ZSWIM6: variants seen among roughly 807,000 people sequenced by gnomAD.
The protein encoded by ZSWIM6 is zinc finger SWIM domain-containing protein 6.
A neutral mutation model predicts 113.2 loss-of-function variants in ZSWIM6; 9 were observed. The ratio of observed to expected loss-of-function variants is 0.08; its 90% CI spans 0.05 to 0.14. The LOEUF (loss-of-function observed/expected upper bound fraction) is 0.14, where lower values mean the gene tolerates loss of function less well. ZSWIM6 is among the 10% of genes least tolerant of loss of function. The pLI, the probability that ZSWIM6 is intolerant of heterozygous loss-of-function variation, is 1.00. For missense variants in ZSWIM6, 1,162 were observed against 1,552.2 expected, an observed-to-expected ratio of 0.75 and a Z score of 4.22; for synonymous variants, 611 against 606.5, an observed-to-expected ratio of 1.01 and a Z score of -0.11.
intron 4 of ZSWIM6, among the ~76,000 whole-genome samples, chr5:61,517,994 TGTTCTC>T (rs1415103422): frequency 7.3e-6 from 1 of 136,804 alleles, no homozygotes; most frequent in African/African-American, 2.8e-5. Flanking sequence ...TGTGTCCATG[TGTTCTC>T]ATTGTTCAAT....
chr5:61,527,713 A>G lies in ZSWIM6; in HGVS notation c.1837+1317A>G, dbSNP rs1449465068. ...TAGTATAAAGGATAATATTCAAACA[A>G]AGAGTGCAGGACTTGTTATACTGTG... is the stretch of plus-strand genomic sequence containing the variant. On this transcript the variant is annotated intron_variant, in intron 7 of 13. Coordinates refer to ENST00000252744, the MANE Select transcript of ZSWIM6 (RefSeq NM_020928.2). 7.2e-5 allele frequency among the ~76,000 whole-genome samples: 11 copies of G among 152,342 alleles called. No individual in the cohort carries two copies. The East Asian group carries it at 2.1e-3, about 29-fold the overall frequency.
chr5:61,374,992 A>G lies in ZSWIM6; in HGVS notation c.676+42044A>G. ...TTAATATAGAAATGAGCATACAATAATAGGAACACTATGAAAAAGAAGAGT... is the reference window on the plus strand; with the variant it reads ...TTAATATAGAAATGAGCATACAATAGTAGGAACACTATGAAAAAGAAGAGT... On this transcript the variant is annotated intron_variant, in intron 1 of 13. Transcript: ENST00000252744. 2.0e-6 allele frequency: 2 copies of G among 994,130 alleles called. 1 individual carries two copies. The highest frequency in any genetic ancestry group is 2.8e-5 in the South Asian group (2 of 71,834). The allele number at this position is 994,130 out of a possible 1,614,324, so 61.6% of individuals were successfully genotyped here. A position where few individuals can be genotyped will look rare whatever the true frequency, so the allele number is the denominator to read the frequency against.
intron 1 of ZSWIM6, among the ~76,000 whole-genome samples, chr5:61,383,621 C>T (rs765143573): frequency 4.6e-5 from 7 of 151,942 alleles, no homozygotes; most frequent in African/African-American, 1.2e-4. Context: ...CTGCAACCTC[C>T]GCCTCCCCAG....
intron 1 of ZSWIM6, 61 bp downstream of exon 1, chr5:61,333,009 G>GGGCCCC (rs2112014368): frequency 1.4e-5 from 6 of 439,696 alleles, no homozygotes; most frequent in Non-Finnish European, 1.9e-5. Flanking sequence ...TGGGGGGGGG[G>GGGCCCC]TGCCCGCCTT....
chr5:61,379,206 A>AT (rs1447499302), intron 1 of ZSWIM6, among the ~76,000 whole-genome samples: 2 of 151,478 alleles, frequency 1.3e-5, no homozygotes. Context: ...AAAAAAAAAA[A>AT]AAAGAATGTA....
intron 4 of ZSWIM6, among the ~76,000 whole-genome samples, chr5:61,519,354 G>A (rs1179059306): frequency 2.0e-5 from 3 of 152,024 alleles, no homozygotes; most frequent in Non-Finnish European, 2.9e-5. Context: ...CTCAATAAGC[G>A]TTCTCAAGTT....
chr5:61,378,945 T>G (rs1187759606), intron 1 of ZSWIM6, among the ~76,000 whole-genome samples: 3 of 151,980 alleles, frequency 2.0e-5, no homozygotes, highest in Admixed American at 6.6e-5. Context: ...TTTAGGAGGC[T>G]GAGGCAAGAG....
chr5:61,526,804 A>AGTT (rs1749297709), intron 7 of ZSWIM6, among the ~76,000 whole-genome samples: 1 of 152,218 alleles, frequency 6.6e-6, no homozygotes, highest in Non-Finnish European at 1.5e-5. Flanking sequence ...TTAGGCAATC[A>AGTT]GTTGACGTCT....
At chr5:61,442,770 A>T (rs933417593) in intron 1 of ZSWIM6, among the ~76,000 whole-genome samples, 2 of 152,236 alleles carry the variant, frequency 1.3e-5, no homozygotes, top group African/African-American at 4.8e-5. Flanking sequence ...ATTACAGTGA[A>T]TTAAGAATAT....
intron 1 of ZSWIM6, among the ~76,000 whole-genome samples, chr5:61,377,578 G>A (rs541378036): frequency 3.9e-5 from 6 of 152,128 alleles, no homozygotes; most frequent in Non-Finnish European, 5.9e-5. Context: ...TTAGCCGGGC[G>A]TGGCGGCATG....
intron 4 of ZSWIM6, among the ~76,000 whole-genome samples, chr5:61,516,573 A>G (rs1478811193): frequency 2.0e-5 from 3 of 149,094 alleles, no homozygotes; most frequent in African/African-American, 7.3e-5. Flanking sequence ...GTTTTTATAT[A>G]TATTTTTCCT....
At chr5:61,439,957 A>G (rs1746790848) in intron 1 of ZSWIM6, among the ~76,000 whole-genome samples, 1 of 152,180 alleles carries the variant, frequency 6.6e-6, no homozygotes, top group Admixed American at 6.5e-5. Flanking sequence ...CTTTCTACCT[A>G]ATCTGGATTG....
intron 1 of ZSWIM6, among the ~76,000 whole-genome samples, chr5:61,351,631 G>A (rs998274044): frequency 1.3e-5 from 2 of 152,004 alleles, no homozygotes; most frequent in South Asian, 4.1e-4. Context: ...GTATTTTTGG[G>A]TATTCTCATA....
chr5:61,399,860 A>G (rs1480083662), intron 1 of ZSWIM6, among the ~76,000 whole-genome samples: 1 of 152,200 alleles, frequency 6.6e-6, no homozygotes, highest in Non-Finnish European at 1.5e-5. Flanking sequence ...GGGACCCTGG[A>G]AAACTGCCCT....
intron 1 of ZSWIM6, among the ~76,000 whole-genome samples, chr5:61,435,086 A>G (rs142786688): frequency 0.021 from 3,189 of 152,300 alleles, 54 homozygotes; most frequent in Middle Eastern, 0.051. Context: ...GGCGAGTTGT[A>G]TGACCTTGGG....
chr5:61,505,153 T>C (rs1453671033), intron 4 of ZSWIM6, among the ~76,000 whole-genome samples: 1 of 152,098 alleles, frequency 6.6e-6, no homozygotes, highest in African/African-American at 2.4e-5. Context: ...TTATGAACGG[T>C]TTTTTATGTT....
In ZSWIM6 at chr5:61,464,158, ATTTTTTTTTTTTT is replaced by A. The variant is rs869288331; in HGVS notation, c.677-8502_677-8490del. 1.4e-3 allele frequency among the ~76,000 whole-genome samples: 60 copies of A among 43,520 alleles called. 1 individual carries two copies. The South Asian group carries it at 0.022, about 16-fold the overall frequency. 28.6% of individuals were successfully genotyped at this position (43,520 alleles called of 152,430 possible). A position where few individuals can be genotyped will look rare whatever the true frequency, so the allele number is the denominator to read the frequency against. ...AGGTGCATGCCAACACACCCGGCTAATTTTTTTTTTTTTTTTTTTTTTTTTTTTTTTTTGCATT... is the reference window on the plus strand; with the variant it reads ...AGGTGCATGCCAACACACCCGGCTAATTTTTTTTTTTTTTTTTTTTGCATT... On this transcript the variant is annotated intron_variant, in intron 1 of 13. Coordinates refer to ENST00000252744, the MANE Select transcript of ZSWIM6 (RefSeq NM_020928.2).
intron 1 of ZSWIM6, chr5:61,391,171 C>T (rs1270739779): frequency 7.3e-5 from 59 of 812,002 alleles, no homozygotes; most frequent in Admixed American, 5.6e-4. Context: ...GGTGTGCCAA[C>T]GACTGGTGAC....
chr5:61,391,076 C>T, intron 1 of ZSWIM6: 1 of 737,950 alleles, frequency 1.4e-6, no homozygotes. Flanking sequence ...ATGCATGCCA[C>T]AGGTAAGGCC....
Sources: gnomAD v4.1 joint callset for allele counts (sites outside exome capture counted in the v4.1 genomes callset) on GRCh38, gnomAD v4.1.1 for gene constraint, MANE v1.5 for transcripts, NCBI Gene and HGNC (gene_info 2026-07-23, HGNC 2026-07-21) for gene names.